The following PIK3CB variants were observed in gnomAD, a reference collection of about 807,000 sequenced individuals.
PIK3CB encodes phosphatidylinositol-4,5-bisphosphate 3-kinase catalytic subunit beta.
Under a neutral mutation model 136.8 loss-of-function variants are expected in PIK3CB, and 39 were observed. That is an observed-to-expected ratio of 0.29 (90% CI 0.22 to 0.37). The LOEUF is 0.37. PIK3CB is among the 10% of genes least tolerant of loss of function. The pLI, the probability that PIK3CB is intolerant of heterozygous loss-of-function variation, is 1.00. For missense variants in PIK3CB, 868 were observed against 1,275.4 expected, an observed-to-expected ratio of 0.68 and a Z score of 4.87; for synonymous variants, 428 against 436.6, an observed-to-expected ratio of 0.98 and a Z score of 0.25.
chr3:138,712,063 T>A (rs1399894295), intron 10 of PIK3CB, 145 bp downstream of exon 10: 1 of 412,254 alleles, frequency 2.4e-6, no homozygotes, highest in African/African-American at 2.1e-5. Context: ...TTAAAATAAT[T>A]TGTGTAAATC....
Position 138,681,997 on chromosome 3 carries a change from A to G in PIK3CB, c.2474T>C (p.Leu825Ser). The G allele has an allele frequency of 6.2e-7, 1 of 1,611,866 alleles. No homozygotes were observed. The highest frequency in any genetic ancestry group is 8.5e-7 in the Non-Finnish European group (1 of 1,179,140). Residue 825 changes from leucine to serine, a missense_variant, in exon 19 of 24, where the codon TTA becomes TCA. Physicochemically the swap from Leu to Ser is moderately radical, Grantham distance 145. Coordinates refer to ENST00000674063, the MANE Select transcript of PIK3CB (RefSeq NM_006219.3). Reference sequence around the variant, plus strand: ...ATCCAAACCAGCTTCTTTCCAGAGTAAATCCATCAAGCGCAACATTTGGAG... The same window carrying G: ...ATCCAAACCAGCTTCTTTCCAGAGTGAATCCATCAAGCGCAACATTTGGAG... Reference protein sequence around the residue: ...LTLQMLRLMDLLWKEAGLDLR... With the variant: ...LTLQMLRLMDSLWKEAGLDLR...
intron 4 of PIK3CB, among the ~76,000 whole-genome samples, chr3:138,754,796 T>C (rs2045535270): frequency 6.6e-6 from 1 of 152,188 alleles, no homozygotes; most frequent in Non-Finnish European, 1.5e-5. Flanking sequence ...GATGGTACTA[T>C]ATTATCCTAT....
rs759767297 is a variant in PIK3CB at position 138,734,713 on chromosome 3, A to C, written c.893T>G (p.Ile298Ser). The change falls in exon 7 of 24, where the codon ATT (isoleucine) becomes AGT (serine). Residue 298 changes from isoleucine (I) to serine (S), a missense_variant. Physicochemically the swap from Ile to Ser is moderately radical, Grantham distance 142. Transcript: ENST00000674063. ...KIKKMYEQEM[I>S]AIEAAINRNS... ...TCGATTTATGGCAGCCTCTATGGCA[A>C]TCATTTCTTGTTCATACATTTTCTT... is the stretch of plus-strand genomic sequence containing the variant. The C allele has an allele frequency of 7.4e-6, 12 of 1,613,118 alleles. No individual in the cohort carries two copies. Among genetic ancestry groups the C allele is most frequent in the Middle Eastern group, 1.6e-4 (1 of 6,080 alleles).
intron 2 of PIK3CB, among the ~76,000 whole-genome samples, chr3:138,791,857 A>T (rs2046054685): frequency 6.6e-6 from 1 of 152,164 alleles, no homozygotes. Flanking sequence ...TCCCTCCTTC[A>T]TCAATGTCTA....
In PIK3CB at chr3:138,653,567, C is replaced by G. The variant is rs1246342717; in HGVS notation, c.*1822G>C. On this transcript the variant is annotated 3_prime_UTR_variant, in exon 24 of 24. Coordinates refer to ENST00000674063, the MANE Select transcript of PIK3CB (RefSeq NM_006219.3). ...TGGTTCATGAAATGGTGGGTGGCTA[C>G]TAGACAAAGATCTCTGAACAAACCT... 1.1e-5 allele frequency: 2 copies of G among 184,646 alleles called. No homozygotes were observed. The highest frequency in any genetic ancestry group is 2.3e-5 in the Non-Finnish European group (2 of 87,052). 11.4% of individuals were successfully genotyped at this position (184,646 alleles called of 1,614,324 possible). A position where few individuals can be genotyped will look rare whatever the true frequency, so the allele number is the denominator to read the frequency against.
At chr3:138,733,101 A>C (rs1447296794) in intron 8 of PIK3CB, among the ~76,000 whole-genome samples, 1 of 149,944 alleles carries the variant, frequency 6.7e-6, no homozygotes, top group Admixed American at 6.6e-5. Flanking sequence ...TATAGAAGAA[A>C]TATGTAATAT....
chr3:138,764,883 A>G (rs1190032414), intron 2 of PIK3CB, among the ~76,000 whole-genome samples: 1 of 152,180 alleles, frequency 6.6e-6, no homozygotes. Flanking sequence ...CTGTGACAAC[A>G]CTGGAGCACA....
chr3:138,744,392 C>CAAAAAAAGA (rs2045307799), intron 4 of PIK3CB, among the ~76,000 whole-genome samples: 1 of 45,080 alleles, frequency 2.2e-5, no homozygotes, highest in East Asian at 4.8e-4. Context: ...GAGACTCCCC[C>CAAAAAAAGA]AAAAAAAAAA....
chr3:138,785,419 T>G (rs1382284706), intron 2 of PIK3CB, among the ~76,000 whole-genome samples: 2 of 152,190 alleles, frequency 1.3e-5, no homozygotes, highest in Non-Finnish European at 2.9e-5. Context: ...AGATTGTTAC[T>G]GTGTCTCTGT....
chr3:138,813,799 A>G (rs1306917988), intron 1 of PIK3CB, among the ~76,000 whole-genome samples: 1 of 152,192 alleles, frequency 6.6e-6, no homozygotes, highest in Non-Finnish European at 1.5e-5. Flanking sequence ...ACAAGACATT[A>G]CAAGAGATGA....
At chr3:138,738,116 C>T (rs958675202) in intron 5 of PIK3CB, among the ~76,000 whole-genome samples, 5 of 151,800 alleles carry the variant, frequency 3.3e-5, no homozygotes, top group African/African-American at 1.2e-4. Context: ...GCACAGCTTC[C>T]ACAGGTAAGA....
intron 4 of PIK3CB, among the ~76,000 whole-genome samples, chr3:138,754,631 C>T (rs1382015777): frequency 1.3e-5 from 2 of 152,002 alleles, no homozygotes; most frequent in Non-Finnish European, 2.9e-5. Context: ...AATAAACTAG[C>T]CACCCTCTGA....
intron 2 of PIK3CB, among the ~76,000 whole-genome samples, chr3:138,792,813 T>C (rs1025364230): frequency 1.3e-5 from 2 of 152,094 alleles, no homozygotes; most frequent in African/African-American, 4.8e-5. Flanking sequence ...GGTCATACTC[T>C]GTTGCCCAGA....
At chr3:138,798,899 C>A (rs918939941) in intron 1 of PIK3CB, among the ~76,000 whole-genome samples, 10 of 151,842 alleles carry the variant, frequency 6.6e-5, no homozygotes, top group Non-Finnish European at 1.0e-4. Flanking sequence ...ACTTTTTCTC[C>A]CCTAGCTATA....
chr3:138,778,650 C>T, intron 2 of PIK3CB: 1 of 207,296 alleles, frequency 4.8e-6, no homozygotes, highest in South Asian at 6.8e-5. Context: ...ACTCTGAGTA[C>T]CAGGTTGTCT....
chr3:138,799,340 G>C (rs953697101), intron 1 of PIK3CB, among the ~76,000 whole-genome samples: 1 of 151,648 alleles, frequency 6.6e-6, no homozygotes, highest in Admixed American at 6.6e-5. Flanking sequence ...ACCACATCTG[G>C]CTATTTTTTT....
rs777547142 is a variant in PIK3CB at position 138,704,500 on chromosome 3, A to T, written c.1531-7T>A. On this transcript the variant is annotated splice_region_variant and splice_polypyrimidine_tract_variant and intron_variant, in intron 11 of 23. Coordinates refer to ENST00000674063, the MANE Select transcript of PIK3CB (RefSeq NM_006219.3). Reference sequence around the variant, plus strand: ...CAGCTGCCTTTTCAATAATCTGTTTAAAAAAATTAAAGAAAATGAATTTTG... The same window carrying T: ...CAGCTGCCTTTTCAATAATCTGTTTTAAAAAATTAAAGAAAATGAATTTTG... 1.1e-5 allele frequency: 18 copies of T among 1,588,438 alleles called. No homozygotes were observed. The highest frequency in any genetic ancestry group is 1.4e-5 in the Non-Finnish European group (16 of 1,157,238).
intron 8 of PIK3CB, among the ~76,000 whole-genome samples, chr3:138,728,086 G>A (rs2044880676): frequency 1.3e-5 from 2 of 152,126 alleles, no homozygotes; most frequent in African/African-American, 2.4e-5. Context: ...TTCTGGGAAT[G>A]TAGGCATGAG....
chr3:138,793,585 G>A (rs952591060), intron 2 of PIK3CB, among the ~76,000 whole-genome samples: 1 of 150,044 alleles, frequency 6.7e-6, no homozygotes, highest in African/African-American at 2.5e-5. Flanking sequence ...CAGCCTGGGC[G>A]TTGCAGCGAG....
Sources: gnomAD v4.1 joint callset for allele counts (sites outside exome capture counted in the v4.1 genomes callset) on GRCh38, gnomAD v4.1.1 for gene constraint, MANE v1.5 for transcripts, NCBI Gene and HGNC (gene_info 2026-07-23, HGNC 2026-07-21) for gene names.